SLC14A2: variants seen among roughly 807,000 people sequenced by gnomAD.
The protein encoded by SLC14A2 is solute carrier family 14 member 2.
A neutral mutation model predicts 104.6 loss-of-function variants in SLC14A2; 91 were observed. The observed-to-expected ratio is 0.87, with a 90% confidence interval of 0.73 to 1.04. SLC14A2 has a LOEUF of 1.04. SLC14A2 is among the 50% of genes least tolerant of loss of function. The pLI is 0.00. For synonymous variants in SLC14A2, 476 were observed against 466.4 expected, an observed-to-expected ratio of 1.02 and a Z score of -0.27; for missense variants, 1,189 against 1,156.0, an observed-to-expected ratio of 1.03 and a Z score of -0.41.
chr18:45,400,782 G>A (rs1277149298), intron 1 of SLC14A2, among the ~76,000 whole-genome samples: 1 of 152,022 alleles, frequency 6.6e-6, no homozygotes, highest in Non-Finnish European at 1.5e-5. Flanking sequence ...TAATTCATTT[G>A]TTTGTTTATA....
intron 1 of SLC14A2, among the ~76,000 whole-genome samples, chr18:45,410,574 C>T (rs909477342): frequency 4.6e-5 from 7 of 152,122 alleles, no homozygotes; most frequent in African/African-American, 9.7e-5. Context: ...CAGCCAGCTA[C>T]AGCACTGAGG....
At chr18:45,557,921 T>G (rs17667714) in intron 2 of SLC14A2, among the ~76,000 whole-genome samples, 6,866 of 152,114 alleles carry the variant, frequency 0.045, 211 homozygotes, top group Non-Finnish European at 0.067. Context: ...CCTGATGAAT[T>G]CACCCCATAC....
At chr18:45,506,842 G>A (rs2144777880) in intron 2 of SLC14A2, among the ~76,000 whole-genome samples, 1 of 152,322 alleles carries the variant, frequency 6.6e-6, no homozygotes, top group South Asian at 2.1e-4. Context: ...CTGGGCTAGG[G>A]TACCATGGTG....
chr18:45,480,066 G>A (rs1316560014), intron 1 of SLC14A2, among the ~76,000 whole-genome samples: 1 of 152,132 alleles, frequency 6.6e-6, no homozygotes, highest in African/African-American at 2.4e-5. Context: ...TCAAAGGAAA[G>A]GGAGCCTTTG....
intron 1 of SLC14A2, among the ~76,000 whole-genome samples, chr18:45,268,843 A>G (rs768576075): frequency 7.2e-5 from 11 of 152,216 alleles, no homozygotes; most frequent in Admixed American, 3.9e-4. Context: ...GAGAAAGTCT[A>G]TTGTCCAGCA....
In SLC14A2 at chr18:45,634,220, T is replaced by G. The variant is rs140463204; in HGVS notation, c.650+1742T>G. On this transcript the variant is annotated intron_variant, in intron 5 of 19. Coordinates refer to ENST00000255226, the MANE Select transcript of SLC14A2 (RefSeq NM_007163.4). ...GGTATTTGTAGTGCCATTTTCCAGA[T>G]TCATTCAATAAACAAATATCTGTTG... is the stretch of plus-strand genomic sequence containing the variant. Among the ~76,000 whole-genome samples, 672 of 152,276 alleles carry G rather than the reference T, an allele frequency of 4.4e-3. 1 individual carries two copies. The highest frequency in any genetic ancestry group is 6.9e-3 in the Non-Finnish European group (466 of 68,010).
chr18:45,177,305 G>A, the SLC14A2 span, among the ~76,000 whole-genome samples: 1 of 152,028 alleles, frequency 6.6e-6, no homozygotes, highest in Non-Finnish European at 1.5e-5. Context: ...CACCAATCAG[G>A]TTGATCATCT....
At chr18:45,625,095 C>T (rs2045237990) in intron 2 of SLC14A2, among the ~76,000 whole-genome samples, 1 of 152,156 alleles carries the variant, frequency 6.6e-6, no homozygotes, top group Non-Finnish European at 1.5e-5. Context: ...TTGAACTACC[C>T]TACTGTCTCC....
chr18:45,176,400 C>T, the SLC14A2 span, among the ~76,000 whole-genome samples: 2 of 152,146 alleles, frequency 1.3e-5, no homozygotes, highest in African/African-American at 4.8e-5. Context: ...AACCCCAATC[C>T]TAGCCCCTTT....
At chr18:45,478,804 C>A (rs1598886439) in intron 1 of SLC14A2, among the ~76,000 whole-genome samples, 1 of 152,144 alleles carries the variant, frequency 6.6e-6, no homozygotes, top group Admixed American at 6.5e-5. Flanking sequence ...TTGTCAGTTG[C>A]CAAGACCAAT....
At chr18:45,191,758 C>T in the SLC14A2 span, among the ~76,000 whole-genome samples, 1 of 152,064 alleles carries the variant, frequency 6.6e-6, no homozygotes, top group Non-Finnish European at 1.5e-5. Flanking sequence ...AGCAGACACC[C>T]CTGGGTGTCC....
chr18:45,279,213 G>T (rs1429669327), intron 1 of SLC14A2, among the ~76,000 whole-genome samples: 1 of 152,214 alleles, frequency 6.6e-6, no homozygotes, highest in East Asian at 1.9e-4. Context: ...GCAGTAACAG[G>T]TTGTCTGAGA....
rs565579864 is a variant in SLC14A2, at chr18:45,445,653, A to C, written c.-124-37580A>C. ...GAAAGATTGAATGAGTAATATGTGC[A>C]AACATTAATTGAAGTTAGTGGCCCA... On this transcript the variant is annotated intron_variant, in intron 1 of 20. Transcript: ENST00000586448. Among the ~76,000 whole-genome samples the C allele has an allele frequency of 7.2e-5, 11 of 152,348 alleles. No individual in the cohort carries two copies. The South Asian group carries it at 2.1e-3, about 29-fold the overall frequency.
chr18:45,533,837 G>T (rs530821438), intron 2 of SLC14A2, among the ~76,000 whole-genome samples: 1 of 152,142 alleles, frequency 6.6e-6, no homozygotes, highest in Non-Finnish European at 1.5e-5. Context: ...TGGGCATTTA[G>T]TGCTATAAAT....
At chr18:45,629,486 T>C (rs529671634) in intron 4 of SLC14A2, among the ~76,000 whole-genome samples, 7 of 152,176 alleles carry the variant, frequency 4.6e-5, no homozygotes, top group Non-Finnish European at 1.0e-4. Context: ...CATGCCTCAC[T>C]GCTTCATCAT....
chr18:45,189,002 T>C, the SLC14A2 span, among the ~76,000 whole-genome samples: 1 of 152,208 alleles, frequency 6.6e-6, no homozygotes, highest in African/African-American at 2.4e-5. Context: ...CTCTGTTACA[T>C]GCAATGCAGT....
chr18:45,572,123 G>A (rs1211994145), intron 2 of SLC14A2, among the ~76,000 whole-genome samples: 1 of 152,084 alleles, frequency 6.6e-6, no homozygotes, highest in African/African-American at 2.4e-5. Flanking sequence ...CTTTCCTCTG[G>A]GGTATCTGAA....
the SLC14A2 span, among the ~76,000 whole-genome samples, chr18:45,181,878 T>C: frequency 6.6e-6 from 1 of 152,198 alleles, no homozygotes; most frequent in Non-Finnish European, 1.5e-5. Flanking sequence ...TCCATTAATA[T>C]GTATTAAACA....
chr18:45,656,192 G>A (rs1259578657), intron 10 of SLC14A2, among the ~76,000 whole-genome samples: 1 of 152,208 alleles, frequency 6.6e-6, no homozygotes, highest in Non-Finnish European at 1.5e-5. Flanking sequence ...AATACAATGG[G>A]AATTCAAGGG....
Sources: allele counts gnomAD v4.1 joint callset (sites outside exome capture counted in the v4.1 genomes callset), GRCh38; gene constraint gnomAD v4.1.1; transcripts MANE v1.5; gene names NCBI Gene and HGNC (gene_info 2026-07-23, HGNC 2026-07-21).